Variants in GPC5 observed in about 807,000 individuals in gnomAD.
The protein encoded by GPC5 is glypican 5, also known as glypican-5.
A neutral mutation model predicts 53.9 loss-of-function variants in GPC5; 47 were observed. The observed-to-expected ratio is 0.87, with a 90% CI of 0.69 to 1.11. GPC5 has a LOEUF of 1.11. Among genes scored for constraint, GPC5 ranks in the 50% most tolerant of loss-of-function variants. The probability of loss-of-function intolerance (pLI) is 0.00; values close to 1 mark genes in which losing one functional copy is unlikely to be tolerated. For missense variants in GPC5, 748 were observed against 713.1 expected, an observed-to-expected ratio of 1.05 and a Z score of -0.56; for synonymous variants, 286 against 263.3, an observed-to-expected ratio of 1.09 and a Z score of -0.84.
At chr13:92,831,273 C>A (rs1378519582) in intron 7 of GPC5, among the ~76,000 whole-genome samples, 10 of 151,976 alleles carry the variant, frequency 6.6e-5, no homozygotes, top group Non-Finnish European at 5.9e-5. Flanking sequence ...CTTGAAGAGA[C>A]CTATTTTAAT....
intron 3 of GPC5, among the ~76,000 whole-genome samples, chr13:91,705,605 T>A (rs1594455496): frequency 6.6e-6 from 1 of 151,986 alleles, no homozygotes; most frequent in African/African-American, 2.4e-5. Flanking sequence ...GGGGGAAGGA[T>A]TTGTGTGTTT....
intron 7 of GPC5, among the ~76,000 whole-genome samples, chr13:92,221,161 G>A (rs2042445614): frequency 6.6e-6 from 1 of 152,240 alleles, no homozygotes; most frequent in East Asian, 1.9e-4. Context: ...ATAAACTTCT[G>A]CCCTATACTG....
intron 7 of GPC5, among the ~76,000 whole-genome samples, chr13:92,615,043 G>A (rs1461417808): frequency 1.3e-5 from 2 of 152,110 alleles, no homozygotes; most frequent in Admixed American, 1.3e-4. Context: ...TCCTTAAAAG[G>A]GTCGTATAAT....
At chr13:92,046,694 CA>C (rs1171020421) in intron 6 of GPC5, among the ~76,000 whole-genome samples, 1 of 152,134 alleles carries the variant, frequency 6.6e-6, no homozygotes, top group Non-Finnish European at 1.5e-5. Flanking sequence ...AAAAATCCTA[CA>C]AATGTAAAGA....
At chr13:91,544,313 G>GCTGTTTTTGTTTGGCTGTTCC (rs2030147044) in intron 2 of GPC5, among the ~76,000 whole-genome samples, 1 of 151,922 alleles carries the variant, frequency 6.6e-6, no homozygotes, top group Non-Finnish European at 1.5e-5. Flanking sequence ...TATTTTTAAA[G>GCTGTTTTTGTTTGGCTGTTCC]ATTTTTAAAA....
At chr13:91,946,522 A>G (rs1318218894) in intron 6 of GPC5, among the ~76,000 whole-genome samples, 1 of 152,212 alleles carries the variant, frequency 6.6e-6, no homozygotes, top group East Asian at 1.9e-4. Context: ...GGAAGTAGTG[A>G]GGCCCAACAT....
At chr13:91,772,589 T>A (rs2037643669) in intron 5 of GPC5, among the ~76,000 whole-genome samples, 1 of 152,190 alleles carries the variant, frequency 6.6e-6, no homozygotes, top group Non-Finnish European at 1.5e-5. Context: ...TTTCCTTCAA[T>A]GTCACCTAAT....
chr13:92,825,396 A>G (rs1877811477), intron 7 of GPC5, among the ~76,000 whole-genome samples: 1 of 152,140 alleles, frequency 6.6e-6, no homozygotes, highest in Admixed American at 6.6e-5. Flanking sequence ...AAATAAAGAC[A>G]AGGGTGGTAT....
chr13:91,967,219 C>T (rs1424000886), intron 6 of GPC5, among the ~76,000 whole-genome samples: 1 of 152,044 alleles, frequency 6.6e-6, no homozygotes, highest in Non-Finnish European at 1.5e-5. Flanking sequence ...TTATTCACTA[C>T]CATGAGAACA....
At chr13:91,972,530 G>C (rs1029340012) in intron 6 of GPC5, among the ~76,000 whole-genome samples, 10 of 152,144 alleles carry the variant, frequency 6.6e-5, no homozygotes, top group Non-Finnish European at 1.2e-4. Context: ...TGGTCATTTT[G>C]CTTGTTAGTT....
At chr13:92,732,907 T>G (rs1392701328) in intron 7 of GPC5, among the ~76,000 whole-genome samples, 1 of 151,624 alleles carries the variant, frequency 6.6e-6, no homozygotes, top group East Asian at 1.9e-4. Flanking sequence ...CATCCTGAGA[T>G]TTTATTCTTC....
chr13:92,264,998 C>T (rs2139146972), intron 7 of GPC5, among the ~76,000 whole-genome samples: 1 of 151,208 alleles, frequency 6.6e-6, no homozygotes, highest in East Asian at 2.0e-4. Context: ...CAGTTTAGGG[C>T]ATGAATGGTG....
intron 2 of GPC5, among the ~76,000 whole-genome samples, chr13:91,547,809 C>G (rs184879358): frequency 3.9e-5 from 6 of 151,984 alleles, no homozygotes; most frequent in African/African-American, 1.4e-4. Flanking sequence ...AGGTATGCAC[C>G]GTTGGTTGAA....
intron 6 of GPC5, among the ~76,000 whole-genome samples, chr13:91,915,620 TA>T (rs2139008766): frequency 6.6e-6 from 1 of 152,336 alleles, no homozygotes; most frequent in South Asian, 2.1e-4. Context: ...GAAAGACCAT[TA>T]AAATGTAAAA....
intron 2 of GPC5, among the ~76,000 whole-genome samples, chr13:91,640,114 T>C (rs540090731): frequency 1.1e-3 from 160 of 152,282 alleles, no homozygotes; most frequent in African/African-American, 3.7e-3. Flanking sequence ...TTAATTTTTT[T>C]CTAAGTATTT....
At chr13:91,749,488 C>G (rs117204564) in intron 4 of GPC5, among the ~76,000 whole-genome samples, 1 of 152,086 alleles carries the variant, frequency 6.6e-6, no homozygotes, top group South Asian at 2.1e-4. Flanking sequence ...GATAAACATA[C>G]GACTACAGGT....
chr13:92,323,236 T>C (rs191468818), intron 7 of GPC5, among the ~76,000 whole-genome samples: 184 of 151,048 alleles, frequency 1.2e-3, no homozygotes, highest in Admixed American at 3.8e-3. Flanking sequence ...AGGGAAGATA[T>C]ATATACAAAA....
intron 6 of GPC5, among the ~76,000 whole-genome samples, chr13:91,953,698 T>G (rs928994148): frequency 2.6e-5 from 4 of 152,216 alleles, no homozygotes; most frequent in Non-Finnish European, 5.9e-5. Context: ...AAGATCAATG[T>G]GCTGACAGAT....
chr13:92,644,295 A>T (rs1180359205), intron 7 of GPC5, among the ~76,000 whole-genome samples: 3 of 152,222 alleles, frequency 2.0e-5, no homozygotes, highest in Non-Finnish European at 2.9e-5. Flanking sequence ...CTAGCTTTAG[A>T]AACAAATATC....
Sources: allele counts gnomAD v4.1 joint callset (sites outside exome capture counted in the v4.1 genomes callset), GRCh38; gene constraint gnomAD v4.1.1; transcripts MANE v1.5; gene names NCBI Gene and HGNC (gene_info 2026-07-23, HGNC 2026-07-21).